The following CCDC73 variants were observed in gnomAD, a reference collection of about 807,000 sequenced individuals.
The protein encoded by CCDC73 is coiled-coil domain-containing protein 73.
A neutral mutation model predicts 116.5 loss-of-function variants in CCDC73; 95 were observed. The ratio of observed to expected loss-of-function variants is 0.82; its 90% CI spans 0.69 to 0.97. The LOEUF (loss-of-function observed/expected upper bound fraction) is 0.97. CCDC73 is among the 50% of genes least tolerant of loss of function. The pLI is 0.00. For missense variants in CCDC73, 1,066 were observed against 1,206.8 expected (o/e 0.88, Z 1.73); for synonymous variants, 398 against 401.3 (o/e 0.99, Z 0.10).
At chr11:32,829,209 T>C in the CCDC73 span, among the ~76,000 whole-genome samples, 1 of 152,254 alleles carries the variant, frequency 6.6e-6, no homozygotes, top group East Asian at 1.9e-4. Flanking sequence ...ATACTGATAA[T>C]GTAAACATAC....
At chr11:32,779,710 A>G (rs1399983994) in intron 1 of CCDC73, among the ~76,000 whole-genome samples, 1 of 152,198 alleles carries the variant, frequency 6.6e-6, no homozygotes, top group South Asian at 2.1e-4. Context: ...GCACAGTTCA[A>G]CAAGAGTAAT....
At chr11:32,657,456 G>T (rs1180224543) in intron 9 of CCDC73, among the ~76,000 whole-genome samples, 1 of 152,162 alleles carries the variant, frequency 6.6e-6, no homozygotes, top group Non-Finnish European at 1.5e-5. Context: ...GAATGAAGGG[G>T]GTAGACCTTG....
intron 3 of CCDC73, among the ~76,000 whole-genome samples, chr11:32,703,577 G>A (rs922912609): frequency 1.2e-4 from 18 of 151,844 alleles, no homozygotes; most frequent in African/African-American, 4.4e-4. Context: ...AACAGTCCTA[G>A]TATACAAGCA....
intron 3 of CCDC73, among the ~76,000 whole-genome samples, chr11:32,708,127 G>T (rs919831046): frequency 2.4e-4 from 37 of 152,170 alleles, no homozygotes; most frequent in African/African-American, 8.7e-4. Context: ...CATGTGGCTT[G>T]CCAATTATCC....
intron 14 of CCDC73, among the ~76,000 whole-genome samples, chr11:32,627,362 G>A (rs4298875): frequency 0.44 from 66,255 of 151,948 alleles, 14,877 homozygotes; most frequent in African/African-American, 0.5. Context: ...ACACTTTTAC[G>A]CTGTTGGTGG....
chr11:32,643,300 T>A (rs1855749443), intron 12 of CCDC73, among the ~76,000 whole-genome samples: 2 of 152,092 alleles, frequency 1.3e-5, no homozygotes, highest in Admixed American at 6.6e-5. Flanking sequence ...TCTATTTTGA[T>A]TGCCTCTGTT....
At chr11:32,627,861 C>T (rs1293345342) in intron 14 of CCDC73, among the ~76,000 whole-genome samples, 3 of 152,054 alleles carry the variant, frequency 2.0e-5, no homozygotes, top group Non-Finnish European at 2.9e-5. Flanking sequence ...AGGAGATATA[C>T]CTAATGTTAA....
chr11:32,760,006 C>A lies in CCDC73; in HGVS notation c.135+103G>T. ...ATTAATTGGACTATATATTTTATTT[C>A]TAAACAAGAGGGATTTTTTAGGCTT... On this transcript the variant is annotated intron_variant, in intron 2 of 17. Transcript: ENST00000335185. The A allele has an allele frequency of 3.2e-6, 3 of 936,072 alleles. No homozygotes were observed. The South Asian group carries it at 4.5e-5, about 14-fold the overall frequency. 58.0% of individuals were successfully genotyped at this position (936,072 alleles called of 1,614,324 possible).
intron 17 of CCDC73, among the ~76,000 whole-genome samples, chr11:32,607,351 C>T (rs1855368081): frequency 6.6e-6 from 1 of 151,902 alleles, no homozygotes; most frequent in Non-Finnish European, 1.5e-5. Context: ...CTCGGCCTCC[C>T]AAAGTGCTGG....
intron 1 of CCDC73, among the ~76,000 whole-genome samples, chr11:32,793,270 G>A (rs1430122971): frequency 1.3e-5 from 2 of 152,146 alleles, no homozygotes; most frequent in Non-Finnish European, 2.9e-5. Flanking sequence ...CAAATTGGCC[G>A]AAGAAATGGC....
At chr11:32,603,689 A>G (rs931085786) in intron 17 of CCDC73, 1 of 152,190 alleles carries the variant, frequency 6.6e-6, no homozygotes, top group African/African-American at 2.4e-5. Context: ...GTTTGTTTCC[A>G]GTTTATCCCT....
chr11:32,745,404 T>C (rs761535852), intron 2 of CCDC73, among the ~76,000 whole-genome samples: 11 of 152,206 alleles, frequency 7.2e-5, no homozygotes, highest in Non-Finnish European at 1.3e-4. Context: ...GAGAGTTCTG[T>C]AGATATCTAT....
intron 2 of CCDC73, among the ~76,000 whole-genome samples, chr11:32,738,384 A>G (rs189727811): frequency 1.3e-5 from 2 of 152,298 alleles, no homozygotes; most frequent in East Asian, 3.9e-4. Context: ...TGTCTTTTGG[A>G]TAAAAGCTAC....
At chr11:32,654,158 TG>T (rs1375980546) in intron 10 of CCDC73, 121 bp from the exon 11 acceptor site, 2 of 867,192 alleles carry the variant, frequency 2.3e-6, no homozygotes, top group South Asian at 2.1e-5. Context: ...TACCCACATT[TG>T]TTTTTTTGTT....
chr11:32,760,931 C>T (rs1230648489), intron 1 of CCDC73, among the ~76,000 whole-genome samples: 4 of 152,150 alleles, frequency 2.6e-5, no homozygotes, highest in Non-Finnish European at 5.9e-5. Flanking sequence ...GTACAATCCA[C>T]GGAGCTTATT....
intron 6 of CCDC73, among the ~76,000 whole-genome samples, chr11:32,687,315 G>C (rs1050732238): frequency 5.9e-5 from 9 of 152,162 alleles, no homozygotes; most frequent in Non-Finnish European, 1.3e-4. Context: ...ACTGTGGGGA[G>C]TCAGAAACTA....
intron 1 of CCDC73, among the ~76,000 whole-genome samples, chr11:32,782,071 G>A (rs991137460): frequency 6.6e-5 from 10 of 152,162 alleles, no homozygotes; most frequent in Non-Finnish European, 1.2e-4. Flanking sequence ...GCATGAGAGG[G>A]ATCTAGGTTG....
At chr11:32,798,510 T>A (rs1850741966), upstream of CCDC73, among the ~76,000 whole-genome samples, 1 of 152,216 alleles carries the variant, frequency 6.6e-6, no homozygotes, top group Non-Finnish European at 1.5e-5. Context: ...CTCCCTGTGT[T>A]GCTCAGGCTA....
chr11:32,798,494 A>G (rs898150006), upstream of CCDC73, among the ~76,000 whole-genome samples: 3 of 152,204 alleles, frequency 2.0e-5, no homozygotes, highest in Non-Finnish European at 4.4e-5. Flanking sequence ...TTGTAGAGAC[A>G]GGGGTCTCCC....
Sources: gnomAD v4.1 joint callset for allele counts (sites outside exome capture counted in the v4.1 genomes callset) on GRCh38, gnomAD v4.1.1 for gene constraint, MANE v1.5 for transcripts, NCBI Gene and HGNC (gene_info 2026-07-23, HGNC 2026-07-21) for gene names.